STAT3: variants seen among roughly 807,000 people sequenced by gnomAD.
STAT3 encodes the protein DNA-binding protein APRF.
A neutral mutation model predicts 114.3 loss-of-function variants in STAT3; 7 were observed. That is an observed-to-expected ratio of 0.06 (90% confidence interval 0.03 to 0.11). The LOEUF (loss-of-function observed/expected upper bound fraction) is 0.11. Ranked by LOEUF, STAT3 falls within the 10% of genes least tolerant of loss-of-function variation. The pLI, the probability that STAT3 is intolerant of heterozygous loss-of-function variation, is 1.00. For synonymous variants in STAT3, 331 were observed against 354.5 expected, an observed-to-expected ratio of 0.93 and a Z score of 0.74; for missense variants, 364 against 960.9, an observed-to-expected ratio of 0.38 and a Z score of 8.21.
At chr17:42,332,772 G>A (rs2082077237) in intron 10 of STAT3, among the ~76,000 whole-genome samples, 2 of 152,050 alleles carry the variant, frequency 1.3e-5, no homozygotes, top group Middle Eastern at 3.2e-3. Context: ...CCTGGGAGGT[G>A]GAGGTTGCAG....
Position 42,323,632 on chromosome 17 carries a change from G to GA in STAT3, c.1601-8dup, listed in dbSNP as rs3830585. The GA allele has an allele frequency of 0.23, 372,381 of 1,613,038 alleles. 53,571 individuals carry two copies. Among genetic ancestry groups the GA allele is most frequent in the African/African-American group, 0.68 (51,291 of 74,910 alleles). Reference sequence around the variant, plus strand: ...GAATAATTCACACCAGGTCCTGAAGGAAAGAAAAAGAGTCAAGTAGTACAT... The same window carrying GA: ...GAATAATTCACACCAGGTCCTGAAGGAAAAGAAAAAGAGTCAAGTAGTACAT... On this transcript the variant is annotated splice_polypyrimidine_tract_variant and splice_region_variant and intron_variant, in intron 17 of 23. Transcript: ENST00000264657.
rs2082297732 is a variant in STAT3, at chr17:42,337,918, C to G, written c.551-61G>C. ...ATACTCCTTGACCTGAGGGAATACT[C>G]CTTGACCTGAGGGAATACTCCTGGA... On this transcript the variant is annotated intron_variant, in intron 6 of 23. Transcript: ENST00000264657. The surrounding 1 kb of genome is among the most constrained non-coding windows in gnomAD (Gnocchi z 4.0). 1 of 1,287,720 alleles carries G rather than the reference C, an allele frequency of 7.8e-7. No homozygotes were observed. The highest frequency in any genetic ancestry group is 1.1e-6 in the Non-Finnish European group (1 of 916,892). The allele number at this position is 1,287,720 out of a possible 1,614,324, so 79.8% of individuals were successfully genotyped here.
chr17:42,326,845 GAGA>G (rs1466609960), intron 14 of STAT3, among the ~76,000 whole-genome samples: 1 of 152,084 alleles, frequency 6.6e-6, no homozygotes, highest in Non-Finnish European at 1.5e-5. Context: ...CAATAAAAAA[GAGA>G]AGGACACTTT....
At chr17:42,335,110 C>T (rs2082177735) in intron 8 of STAT3, among the ~76,000 whole-genome samples, 1 of 151,214 alleles carries the variant, frequency 6.6e-6, no homozygotes, top group Non-Finnish European at 1.5e-5. Context: ...ACTACATGAG[C>T]CCTTTCTTTT....
At chr17:42,356,799 G>T (rs985398661) in intron 1 of STAT3, among the ~76,000 whole-genome samples, 18 of 151,108 alleles carry the variant, frequency 1.2e-4, no homozygotes, top group African/African-American at 3.9e-4. Flanking sequence ...TGTTGTTGTT[G>T]TTGTTTGAGA....
At position 42,315,429 on chromosome 17, in the gene STAT3, A is replaced by C; in HGVS notation, c.*316T>G. ...AATAACAAAAAGCTGCTGAGAAAGG[A>C]GGGCAGGGGAACAAAACAACACAAG... On this transcript the variant is annotated 3_prime_UTR_variant, in exon 24 of 24. Transcript: ENST00000264657. The C allele has an allele frequency of 2.0e-6, 1 of 500,108 alleles. No homozygotes were observed. Among genetic ancestry groups the C allele is most frequent in the Non-Finnish European group, 3.6e-6 (1 of 274,292 alleles). 31.0% of individuals were successfully genotyped at this position (500,108 alleles called of 1,614,324 possible).
intron 11 of STAT3, among the ~76,000 whole-genome samples, chr17:42,330,707 G>A (rs1014360499): frequency 2.6e-5 from 4 of 152,092 alleles, no homozygotes; most frequent in African/African-American, 9.7e-5. Flanking sequence ...GGGATTACAG[G>A]CATGAGCCAC....
intron 1 of STAT3, among the ~76,000 whole-genome samples, chr17:42,374,817 T>C (rs1057332759): frequency 6.6e-6 from 1 of 152,190 alleles, no homozygotes; most frequent in Non-Finnish European, 1.5e-5. Flanking sequence ...CCCAGGCTAG[T>C]AGCCAAATTA....
chr17:42,325,935 A>C (rs1254261783), intron 15 of STAT3, among the ~76,000 whole-genome samples, 181 bp downstream of exon 15: 3 of 152,226 alleles, frequency 2.0e-5, no homozygotes, highest in Admixed American at 2.0e-4. Flanking sequence ...CTAAGCATTC[A>C]AGCAAGACTT....
intron 1 of STAT3, among the ~76,000 whole-genome samples, chr17:42,375,844 AAAAG>A (rs992496844): frequency 5.9e-5 from 9 of 151,290 alleles, no homozygotes; most frequent in Admixed American, 1.3e-4. Flanking sequence ...AAAAAAAAGA[AAAAG>A]AAAGAAAGAA....
intron 1 of STAT3, among the ~76,000 whole-genome samples, chr17:42,369,090 G>A (rs919104728): frequency 1.3e-5 from 2 of 152,100 alleles, no homozygotes; most frequent in Non-Finnish European, 2.9e-5. Flanking sequence ...AGCCGAGCAC[G>A]GTGGCTCACA....
intron 1 of STAT3, among the ~76,000 whole-genome samples, chr17:42,369,702 G>A (rs1451866293): frequency 6.6e-6 from 1 of 152,084 alleles, no homozygotes; most frequent in East Asian, 1.9e-4. Flanking sequence ...CCAGGCTGGA[G>A]TGCAGTGGCA....
intron 8 of STAT3, among the ~76,000 whole-genome samples, chr17:42,336,473 C>T (rs1429940291): frequency 6.6e-6 from 1 of 151,932 alleles, no homozygotes; most frequent in East Asian, 1.9e-4. Flanking sequence ...TGGTGCATGC[C>T]TGTAGTCCCA....
Position 42,349,041 on chromosome 17 carries a change from A to G in STAT3, c.-23-502T>C, listed in dbSNP as rs12325774. Among the ~76,000 whole-genome samples the G allele has an allele frequency of 2.8e-3, 427 of 151,582 alleles. 2 individuals are homozygous for G. The highest frequency in any genetic ancestry group is 9.9e-3 in the African/African-American group (407 of 41,286). ...ACACCATGCCACACTCATTTTTTAA[A>G]AAATGTTTCGTGAGACAAACAAAAC... On this transcript the variant is annotated intron_variant, in intron 1 of 23. Coordinates refer to ENST00000264657, the MANE Select transcript of STAT3 (RefSeq NM_139276.3).
chr17:42,388,407 C>G lies in STAT3; in HGVS notation c.-152G>C, dbSNP rs1425131438. Reference sequence around the variant, plus strand: ...ACAGCGCCAAGCCGGGGTGCCTGTCCAGGATCCGGTTGGGGCTTGTTCCCT... The same window carrying G: ...ACAGCGCCAAGCCGGGGTGCCTGTCGAGGATCCGGTTGGGGCTTGTTCCCT... On this transcript the variant is annotated 5_prime_UTR_variant, in exon 1 of 24. Coordinates refer to ENST00000264657, the MANE Select transcript of STAT3 (RefSeq NM_139276.3). 1.6e-6 allele frequency: 2 copies of G among 1,231,608 alleles called. No homozygotes were observed. The highest frequency in any genetic ancestry group is 3.1e-5 in the African/African-American group (2 of 64,434). 76.3% of individuals were successfully genotyped at this position (1,231,608 alleles called of 1,614,324 possible).
At chr17:42,342,132 CAGTA>C (rs993966175) in intron 4 of STAT3, among the ~76,000 whole-genome samples, 27 of 151,432 alleles carry the variant, frequency 1.8e-4, no homozygotes, top group African/African-American at 6.3e-4. Flanking sequence ...GGGCACTGCA[CAGTA>C]AGTGTTACCT....
intron 21 of STAT3, among the ~76,000 whole-genome samples, chr17:42,320,739 A>G (rs1169247294): frequency 6.6e-6 from 1 of 151,586 alleles, no homozygotes; most frequent in Admixed American, 6.6e-5. Context: ...AAAAAAAAAA[A>G]AAAAAAAAAG....
intron 4 of STAT3, 109 bp from the exon 5 acceptor site, chr17:42,339,518 G>A (rs1185385746): frequency 1.2e-5 from 13 of 1,046,796 alleles, no homozygotes; most frequent in Admixed American, 1.9e-5. Context: ...GGCTTGAGAC[G>A]CTGCTGCCAT....
chr17:42,352,847 C>T (rs907742571), intron 1 of STAT3, among the ~76,000 whole-genome samples: 1 of 152,080 alleles, frequency 6.6e-6, no homozygotes, highest in African/African-American at 2.4e-5. Context: ...GGCTACTGAG[C>T]ACTTGAAATG....
Sources: allele counts gnomAD v4.1 joint callset (sites outside exome capture counted in the v4.1 genomes callset), GRCh38; gene constraint gnomAD v4.1.1; non-coding constraint Gnocchi (gnomAD v3.1); transcripts MANE v1.5; gene names NCBI Gene and HGNC (gene_info 2026-07-23, HGNC 2026-07-21).